Variants in ARL3 observed in about 807,000 individuals in gnomAD.
ARL3 encodes the protein ADP-ribosylation factor-like protein 3.
A neutral mutation model predicts 26.0 loss-of-function variants in ARL3; 9 were observed. The ratio of observed to expected loss-of-function variants is 0.35; its 90% confidence interval spans 0.21 to 0.60. The LOEUF (loss-of-function observed/expected upper bound fraction) is 0.60, where lower values mean the gene tolerates loss of function less well. Among genes scored for constraint, ARL3 ranks in the 20% least tolerant of loss-of-function variants. The pLI, the probability that ARL3 is intolerant of heterozygous loss-of-function variation, is 0.78. For synonymous variants in ARL3, 71 were observed against 78.4 expected (o/e 0.91, Z 0.50); for missense variants, 158 against 215.7 (o/e 0.73, Z 1.67).
chr10:102,709,646 C>CAAAAAAAAAAAAAAAAAAAAAAA (rs10555496), intron 1 of ARL3, among the ~76,000 whole-genome samples: 1 of 85,248 alleles, frequency 1.2e-5, no homozygotes, highest in Non-Finnish European at 2.2e-5. Flanking sequence ...GACTCTGTCT[C>CAAAAAAAAAAAAAAAAAAAAAAA]AAAAAAAAAA....
At chr10:102,698,763 A>G (rs2064263251) in intron 3 of ARL3, among the ~76,000 whole-genome samples, 1 of 152,208 alleles carries the variant, frequency 6.6e-6, no homozygotes, top group Non-Finnish European at 1.5e-5. Context: ...GGTATTCCCA[A>G]TGCACGAGGC....
At chr10:102,689,603 G>A (rs1262506872) in intron 4 of ARL3, among the ~76,000 whole-genome samples, 6 of 152,180 alleles carry the variant, frequency 3.9e-5, no homozygotes, top group Admixed American at 1.3e-4. Flanking sequence ...AGGCTGAGGC[G>A]GGAAGATCAC....
At chr10:102,689,602 CG>C (rs2064206040) in intron 4 of ARL3, among the ~76,000 whole-genome samples, 1 of 152,012 alleles carries the variant, frequency 6.6e-6, no homozygotes, top group Non-Finnish European at 1.5e-5. Context: ...GAGGCTGAGG[CG>C]GGAAGATCAC....
At chr10:102,713,933 GA>G (rs1303524979) in intron 1 of ARL3, among the ~76,000 whole-genome samples, 5 of 152,336 alleles carry the variant, frequency 3.3e-5, no homozygotes, top group Admixed American at 2.6e-4. Flanking sequence ...GCCTGCTAGC[GA>G]AAGCTGCTCT....
In ARL3 at chr10:102,697,527, A is replaced by T. The variant is rs142997637; in HGVS notation, c.264+1846T>A. Among the ~76,000 whole-genome samples, 306 of 152,312 alleles carry T rather than the reference A, an allele frequency of 2.0e-3. 2 individuals are homozygous for T. The highest frequency in any genetic ancestry group is 6.9e-3 in the African/African-American group (288 of 41,566). On this transcript the variant is annotated intron_variant, in intron 3 of 5. Transcript: ENST00000260746. ...CTATCATTTATGAGGTCAGTCACTG[A>T]CCCAAGTGTCATTATGTGGCACATG...
chr10:102,708,908 A>ATATATTTTTTTTTT, intron 1 of ARL3, among the ~76,000 whole-genome samples: 3 of 95,328 alleles, frequency 3.1e-5, no homozygotes, highest in Admixed American at 2.5e-4. Flanking sequence ...ATATATATAT[A>ATATATTTTTTTTTT]TTTTTTTTTT....
In ARL3 at chr10:102,673,856, A is replaced by T. The variant is rs1206884003; in HGVS notation, c.*3038T>A. On this transcript the variant is annotated 3_prime_UTR_variant, in exon 6 of 6. Coordinates refer to ENST00000260746, the MANE Select transcript of ARL3 (RefSeq NM_004311.4). ...TCATTTTCAAAAGGGATTATAAAAA[A>T]AGAACCTTTTGATGGATCAGACTGA... 1 of 152,360 alleles carries T rather than the reference A, an allele frequency of 6.6e-6. No individual in the cohort carries two copies. Among genetic ancestry groups the T allele is most frequent in the Non-Finnish European group, 1.5e-5 (1 of 68,046 alleles). The allele number at this position is 152,360 out of a possible 1,614,324, so 9.4% of individuals were successfully genotyped here. A position where few individuals can be genotyped will look rare whatever the true frequency, so the allele number is the denominator to read the frequency against.
intron 2 of ARL3, among the ~76,000 whole-genome samples, chr10:102,700,589 C>CA (rs2064274694): frequency 6.6e-6 from 1 of 151,220 alleles, no homozygotes; most frequent in African/African-American, 2.4e-5. Context: ...CTCAGCCTCC[C>CA]GAGTAGCTGG....
At chr10:102,701,850 AT>A (rs777512131) in intron 2 of ARL3, among the ~76,000 whole-genome samples, 5 of 152,158 alleles carry the variant, frequency 3.3e-5, no homozygotes, top group Admixed American at 6.6e-5. Context: ...AAGTATTTAC[AT>A]ATATAATAAC....
intron 1 of ARL3, among the ~76,000 whole-genome samples, chr10:102,713,764 C>A (rs2064362395): frequency 6.6e-6 from 1 of 152,244 alleles, no homozygotes; most frequent in Non-Finnish European, 1.5e-5. Context: ...CAGGGGCCCG[C>A]ACAGCGCGAG....
At chr10:102,680,872 C>T (rs570219966) in intron 5 of ARL3, among the ~76,000 whole-genome samples, 1 of 152,234 alleles carries the variant, frequency 6.6e-6, no homozygotes, top group South Asian at 2.1e-4. Flanking sequence ...CTGCTTCCAT[C>T]AAATATGGCT....
chr10:102,708,908 A>ATATTTTTTTTTTTT, intron 1 of ARL3, among the ~76,000 whole-genome samples: 3 of 95,350 alleles, frequency 3.1e-5, no homozygotes, highest in African/African-American at 1.3e-4. Flanking sequence ...ATATATATAT[A>ATATTTTTTTTTTTT]TTTTTTTTTT....
intron 1 of ARL3, among the ~76,000 whole-genome samples, chr10:102,711,625 C>G (rs542908935): frequency 6.6e-6 from 1 of 151,970 alleles, no homozygotes; most frequent in East Asian, 1.9e-4. Context: ...GGCGTGGTGG[C>G]GGGCGCCCAT....
intron 3 of ARL3, among the ~76,000 whole-genome samples, chr10:102,694,627 C>T (rs2064237681): frequency 6.6e-6 from 1 of 151,994 alleles, no homozygotes; most frequent in African/African-American, 2.4e-5. Flanking sequence ...GTTCTTTTGT[C>T]AGAGAGAGTG....
At chr10:102,695,806 C>T (rs1027796595) in intron 3 of ARL3, among the ~76,000 whole-genome samples, 9 of 151,102 alleles carry the variant, frequency 6.0e-5, no homozygotes, top group African/African-American at 1.9e-4. Flanking sequence ...AATGAGCCAT[C>T]GCACCAGGCC....
chr10:102,690,160 A>G (rs1433782411), intron 3 of ARL3, among the ~76,000 whole-genome samples: 1 of 152,232 alleles, frequency 6.6e-6, no homozygotes, highest in Non-Finnish European at 1.5e-5. Flanking sequence ...GCAATGCTCC[A>G]AAGTCTAGGA....
At position 102,686,470 on chromosome 10, in the gene ARL3, T is replaced by C. The variant is rs1368604253; in HGVS notation, c.316-469A>G. On this transcript the variant is annotated intron_variant, in intron 4 of 5. Coordinates refer to ENST00000260746, the MANE Select transcript of ARL3 (RefSeq NM_004311.4). ...CTCAAACTTTTTTTTTTCTTTCTTTTTTTTTTTTTTTGAGACAGGGTCTCG... is the reference window on the plus strand; with the variant it reads ...CTCAAACTTTTTTTTTTCTTTCTTTCTTTTTTTTTTTGAGACAGGGTCTCG... Among the ~76,000 whole-genome samples the C allele has an allele frequency of 3.3e-5, 5 of 149,554 alleles. No individual in the cohort carries two copies. The South Asian group carries it at 6.3e-4, about 19-fold the overall frequency.
chr10:102,697,029 C>T (rs977067415), intron 3 of ARL3, among the ~76,000 whole-genome samples: 1 of 152,110 alleles, frequency 6.6e-6, no homozygotes, highest in African/African-American at 2.4e-5. Context: ...GCCTATTGCC[C>T]CAGGCTACAA....
chr10:102,701,791 G>T (rs531382560), intron 2 of ARL3, among the ~76,000 whole-genome samples: 68 of 152,184 alleles, frequency 4.5e-4, no homozygotes, highest in Non-Finnish European at 7.6e-4. Flanking sequence ...TTATTCTGAG[G>T]AAATAATAAT....
Sources: gnomAD v4.1 joint callset for allele counts (sites outside exome capture counted in the v4.1 genomes callset) on GRCh38, gnomAD v4.1.1 for gene constraint, MANE v1.5 for transcripts, NCBI Gene and HGNC (gene_info 2026-07-23, HGNC 2026-07-21) for gene names.